COA8: variants seen among roughly 807,000 people sequenced by gnomAD.
COA8 encodes UPF0671 protein C14orf153.
In COA8, 20 loss-of-function variants were observed where a neutral mutation model predicts 22.0. The observed-to-expected ratio is 0.91, with a 90% CI of 0.64 to 1.32. The LOEUF is 1.32. COA8 is among the 40% of genes most tolerant of loss of function. The probability of loss-of-function intolerance (pLI) is 0.00; values close to 1 mark genes in which losing one functional copy is unlikely to be tolerated. For synonymous variants in COA8, 105 were observed against 79.9 expected (o/e 1.31, Z -1.68); for missense variants, 266 against 230.0 (o/e 1.16, Z -1.01).
chr14:103,571,556 A>C lies in COA8; in HGVS notation c.124-67A>C, dbSNP rs571832484. 17 of 1,431,522 alleles carry C rather than the reference A, an allele frequency of 1.2e-5. No individual in the cohort carries two copies. The Admixed American group carries it at 3.1e-4, about 26-fold the overall frequency. 88.7% of individuals were successfully genotyped at this position (1,431,522 alleles called of 1,614,324 possible). ...CGTCTCTAAGTAAATAAATAAATCC[A>C]GATTGTACATTTTATAATACTAGAG... On this transcript the variant is annotated intron_variant, in intron 1 of 4. Transcript: ENST00000409074.
chr14:103,588,868 G>C (rs2076330495), intron 4 of COA8, among the ~76,000 whole-genome samples: 1 of 152,134 alleles, frequency 6.6e-6, no homozygotes, highest in Non-Finnish European at 1.5e-5. Flanking sequence ...TACAGTCAAA[G>C]GCTGGATGGA....
intron 1 of COA8, 148 bp from the exon 2 acceptor site, chr14:103,571,475 A>G: frequency 4.1e-6 from 3 of 738,848 alleles, no homozygotes; most frequent in Non-Finnish European, 6.5e-6. Flanking sequence ...TTGTAATCCC[A>G]GCACTTTGGC....
At chr14:103,563,838 A>G (rs1702447370) in intron 1 of COA8, among the ~76,000 whole-genome samples, 2 of 152,250 alleles carry the variant, frequency 1.3e-5, no homozygotes, top group Non-Finnish European at 2.9e-5. Context: ...GGTTTAAACA[A>G]TAATTAAAGA....
chr14:103,568,921 C>T (rs918577844), intron 1 of COA8, among the ~76,000 whole-genome samples: 7 of 152,044 alleles, frequency 4.6e-5, no homozygotes, highest in African/African-American at 1.7e-4. Context: ...CGTGAGCCAC[C>T]GCGCCCGGCT....
At chr14:103,584,998 T>C (rs745863148) in intron 3 of COA8, among the ~76,000 whole-genome samples, 2 of 151,324 alleles carry the variant, frequency 1.3e-5, no homozygotes, top group Non-Finnish European at 2.9e-5. Flanking sequence ...ATTAGCCAGG[T>C]ATGGTGGTGC....
At chr14:103,568,692 C>T (rs931865253) in intron 1 of COA8, among the ~76,000 whole-genome samples, 7 of 151,120 alleles carry the variant, frequency 4.6e-5, no homozygotes, top group African/African-American at 4.9e-5. Flanking sequence ...TGCAGTGACA[C>T]GATCTTGGTT....
At chr14:103,583,629 C>G (rs565448939) in intron 3 of COA8, among the ~76,000 whole-genome samples, 1 of 151,870 alleles carries the variant, frequency 6.6e-6, no homozygotes, top group South Asian at 2.1e-4. Context: ...TCTCCAACTC[C>G]TCAACACCAG....
At chr14:103,580,368 G>A (rs1382816363) in intron 3 of COA8, among the ~76,000 whole-genome samples, 1 of 151,892 alleles carries the variant, frequency 6.6e-6, no homozygotes, top group African/African-American at 2.4e-5. Context: ...GAGTGCAGTG[G>A]TGCAGTCTCT....
chr14:103,565,769 C>T (rs2076131290), intron 1 of COA8, among the ~76,000 whole-genome samples: 1 of 152,030 alleles, frequency 6.6e-6, no homozygotes, highest in Non-Finnish European at 1.5e-5. Flanking sequence ...GTGCCTACCA[C>T]CATGCCCGGC....
At chr14:103,571,891 G>A in intron 2 of COA8, 71 bp downstream of exon 2, 1 of 1,304,020 alleles carries the variant, frequency 7.7e-7, no homozygotes, top group East Asian at 2.4e-5. Flanking sequence ...ACTTCGGGAT[G>A]CCGAGGTGGG....
chr14:103,587,450 A>G, intron 4 of COA8, 86 bp downstream of exon 4: 1 of 779,158 alleles, frequency 1.3e-6, no homozygotes, highest in South Asian at 2.3e-5. Flanking sequence ...AACAACATTC[A>G]TGTTTATATC....
In COA8 at chr14:103,571,825, G is replaced by A. The variant is rs765796396; in HGVS notation, c.321+5G>A. 1.9e-6 allele frequency: 3 copies of A among 1,612,922 alleles called. No homozygotes were observed. The highest frequency in any genetic ancestry group is 2.7e-5 in the African/African-American group (2 of 74,834). ...CAGAATTTGACTTTTAGTAAGGTAA[G>A]TTTAAGTTTTAGATCAGAACGGAAG... is the stretch of plus-strand genomic sequence containing the variant. On this transcript the variant is annotated splice_donor_5th_base_variant and intron_variant, in intron 2 of 4. Coordinates refer to ENST00000409074, the MANE Select transcript of COA8 (RefSeq NM_001370595.2).
At chr14:103,585,036 G>C (rs768718029) in intron 3 of COA8, among the ~76,000 whole-genome samples, 14 of 152,072 alleles carry the variant, frequency 9.2e-5, no homozygotes, top group Non-Finnish European at 1.3e-4. Context: ...TACTCAGGAG[G>C]CTGAGGCAGG....
chr14:103,574,663 C>T, intron 3 of COA8: 1 of 348,834 alleles, frequency 2.9e-6, no homozygotes. Flanking sequence ...GGCTAAAGTG[C>T]CATTCCTACT....
At position 103,563,118 on chromosome 14, in the gene COA8, C is replaced by G; in HGVS notation, c.117C>G (p.Pro39=). 1 of 1,539,816 alleles carries G rather than the reference C, an allele frequency of 6.5e-7. No homozygotes were observed. ...ERGAERRDTA[P]SGVSRFCPPR... is the part of the protein sequence containing the mutation. ...GCGCCGAGCGCAGGGATACGGCGCC[C>G]AGCGGGGTAAGCAGGGGCCTGGGGA... The change falls in exon 1 of 5, where the codon CCC becomes CCG. Residue 39 remains proline (P), a synonymous_variant. Transcript: ENST00000409074.
At chr14:103,573,439 G>A (rs573293632) in intron 2 of COA8, among the ~76,000 whole-genome samples, 1 of 152,292 alleles carries the variant, frequency 6.6e-6, no homozygotes, top group African/African-American at 2.4e-5. Context: ...CCAAAGTGCT[G>A]GGATTACAGG....
At chr14:103,576,004 A>T (rs909071196) in intron 3 of COA8, among the ~76,000 whole-genome samples, 1 of 151,818 alleles carries the variant, frequency 6.6e-6, no homozygotes. Flanking sequence ...TGCCTGGCCA[A>T]AAAGTTAATT....
chr14:103,584,239 G>A (rs533393943), intron 3 of COA8, among the ~76,000 whole-genome samples: 2 of 152,276 alleles, frequency 1.3e-5, no homozygotes, highest in South Asian at 4.1e-4. Context: ...GATGCTCTCT[G>A]AACCCCATGG....
chr14:103,587,786 CATG>C (rs1393704027), intron 4 of COA8, among the ~76,000 whole-genome samples: 1 of 151,752 alleles, frequency 6.6e-6, no homozygotes, highest in Non-Finnish European at 1.5e-5. Context: ...GGATTACAGG[CATG>C]AGCCACTGCG....
Sources: gnomAD v4.1 joint callset for allele counts (sites outside exome capture counted in the v4.1 genomes callset) on GRCh38, gnomAD v4.1.1 for gene constraint, MANE v1.5 for transcripts, NCBI Gene and HGNC (gene_info 2026-07-23, HGNC 2026-07-21) for gene names.